BFSP1: variants seen among roughly 807,000 people sequenced by gnomAD.
BFSP1 encodes beaded filament structural protein 1, also known as filensin.
In BFSP1, 38 loss-of-function variants were observed where a neutral mutation model predicts 43.9. That is an observed-to-expected ratio of 0.87 (90% confidence interval 0.67 to 1.14). The LOEUF (loss-of-function observed/expected upper bound fraction) is 1.14. Among genes scored for constraint, BFSP1 ranks in the 50% most tolerant of loss-of-function variants. The pLI is 0.00. For missense variants in BFSP1, 850 were observed against 875.1 expected, an observed-to-expected ratio of 0.97 and a Z score of 0.36; for synonymous variants, 352 against 354.8, an observed-to-expected ratio of 0.99 and a Z score of 0.09.
At chr20:17,555,208 G>A (rs575337127) in intron 1 of BFSP1, among the ~76,000 whole-genome samples, 1 of 150,004 alleles carries the variant, frequency 6.7e-6, no homozygotes, top group East Asian at 2.0e-4. Flanking sequence ...GGCTGTGGCA[G>A]GAGGATCTCT....
Position 17,514,742 on chromosome 20 carries a change from C to A in BFSP1, c.513G>T (p.Ala171=). 2 of 1,613,984 alleles carry A rather than the reference C, an allele frequency of 1.2e-6. No homozygotes were observed. The highest frequency in any genetic ancestry group is 1.7e-6 in the Non-Finnish European group (2 of 1,179,904). ...TTACCTTCTTGTGCCTGTCCTTTGC[C>A]GCACTGATATCATCTTGCAGAAATT... is the stretch of plus-strand genomic sequence containing the variant. ...EAQFLQDDIS[A]AKDRHKKNLL... The change falls in exon 3 of 8, where the codon GCG becomes GCT. Residue 171 remains alanine (A), a synonymous_variant. Coordinates refer to ENST00000377873, the MANE Select transcript of BFSP1 (RefSeq NM_001195.5).
Position 17,531,022 on chromosome 20 carries a change from TC to T in BFSP1, c.307del (p.Glu103ArgfsTer35), listed in dbSNP as rs2123535964. The stretch of plus-strand genomic sequence containing the variant: ...GCGCTCCAGCCGGGCGCGCTCGGCC[TC>T]CAGGTCCCGGACGCGCTGGCGGTTG... ...ESNRQRVRDL[E>X]AERARLERQG... On this transcript the variant is annotated frameshift_variant, in exon 1 of 8. Coordinates refer to ENST00000377873, the MANE Select transcript of BFSP1 (RefSeq NM_001195.5). LOFTEE classifies it high-confidence loss of function. 1 of 1,428,892 alleles carries T rather than the reference TC, an allele frequency of 7.0e-7. No homozygotes were observed. The highest frequency in any genetic ancestry group is 1.4e-5 in the South Asian group (1 of 70,922). The allele number at this position is 1,428,892 out of a possible 1,614,324, so 88.5% of individuals were successfully genotyped here. A position where few individuals can be genotyped will look rare whatever the true frequency, so the allele number is the denominator to read the frequency against.
At chr20:17,550,988 G>C (rs1449259165) in intron 1 of BFSP1, among the ~76,000 whole-genome samples, 2 of 152,184 alleles carry the variant, frequency 1.3e-5, no homozygotes, top group African/African-American at 4.8e-5. Context: ...CTATGCTCCT[G>C]CTTCCCTAAC....
chr20:17,566,688 T>C (rs369608487), intron 1 of BFSP1, among the ~76,000 whole-genome samples: 2 of 152,144 alleles, frequency 1.3e-5, no homozygotes, highest in East Asian at 1.9e-4. Flanking sequence ...ACAGTCTCGC[T>C]CTGTTGCCCA....
chr20:17,543,755 A>G (rs146534192), intron 1 of BFSP1, among the ~76,000 whole-genome samples: 36 of 152,348 alleles, frequency 2.4e-4, no homozygotes, highest in African/African-American at 8.2e-4. Flanking sequence ...GCAACTTGAT[A>G]TGCTGTTGTA....
chr20:17,558,119 T>A (rs1049864189), intron 1 of BFSP1, among the ~76,000 whole-genome samples: 1 of 148,598 alleles, frequency 6.7e-6, no homozygotes, highest in Non-Finnish European at 1.5e-5. Context: ...CACACAAAGA[T>A]GGGGGGGGGT....
At chr20:17,495,065 T>C in intron 7 of BFSP1, 36 bp from the exon 8 acceptor site, 1 of 1,550,200 alleles carries the variant, frequency 6.5e-7, no homozygotes, top group Non-Finnish European at 8.8e-7. Context: ...CAAGTATAAT[T>C]GTCACTGAGA....
chr20:17,561,820 G>C (rs1029841251), upstream of BFSP1, among the ~76,000 whole-genome samples: 1 of 152,156 alleles, frequency 6.6e-6, no homozygotes, highest in Non-Finnish European at 1.5e-5. Flanking sequence ...TAATTTATTA[G>C]ATGGGCTTCA....
At chr20:17,498,717 T>C in intron 6 of BFSP1, 103 bp downstream of exon 6, 1 of 1,336,564 alleles carries the variant, frequency 7.5e-7, no homozygotes, top group Non-Finnish European at 1.0e-6. Flanking sequence ...TTTCCTTCCC[T>C]GACACATGCC....
At chr20:17,521,140 C>A (rs1245953523) in intron 2 of BFSP1, among the ~76,000 whole-genome samples, 1 of 152,050 alleles carries the variant, frequency 6.6e-6, no homozygotes, top group Non-Finnish European at 1.5e-5. Flanking sequence ...TAGAAGTTAG[C>A]AAACCCAAAT....
chr20:17,537,243 C>T lies in BFSP1; in HGVS notation c.3-12335G>A, dbSNP rs147728271. 2.0e-3 allele frequency among the ~76,000 whole-genome samples: 297 copies of T among 152,276 alleles called. 1 individual carries two copies. Among genetic ancestry groups the T allele is most frequent in the Middle Eastern group, 6.8e-3 (2 of 294 alleles). ...AAGTCAGCCATGGAAAGTGACAGCC[C>T]AGGAGTAAAAGGGCAGGCAGACCCC... On this transcript the variant is annotated intron_variant, in intron 1 of 7. Transcript: ENST00000377868.
In BFSP1 at chr20:17,494,594, C is replaced by T. The variant is rs776178192; in HGVS notation, c.1478G>A (p.Gly493Asp). ...TTCCGCAACAGAAACAGCCACCCCA[C>T]CTTTAGCTGTGATGGAGGAGACATA... ...RFYVSSITAK[G>D]GVAVSVAEDS... The change falls in exon 8 of 8, where the codon GGT (glycine) becomes GAT (aspartate). Residue 493 changes from glycine (G) to aspartate (D), a missense_variant. Coordinates refer to ENST00000377873, the MANE Select transcript of BFSP1 (RefSeq NM_001195.5). 1 of 1,614,190 alleles carries T rather than the reference C, an allele frequency of 6.2e-7. No homozygotes were observed. The highest frequency in any genetic ancestry group is 8.5e-7 in the Non-Finnish European group (1 of 1,180,042).
At chr20:17,535,603 T>C (rs1041884500), upstream of BFSP1, among the ~76,000 whole-genome samples, 1 of 152,176 alleles carries the variant, frequency 6.6e-6, no homozygotes, top group Non-Finnish European at 1.5e-5. Context: ...CTCAAATGAT[T>C]CTGAATAAAA....
chr20:17,544,550 G>C (rs1178897094), intron 1 of BFSP1, among the ~76,000 whole-genome samples: 1 of 152,136 alleles, frequency 6.6e-6, no homozygotes, highest in Admixed American at 6.5e-5. Context: ...CAAAACAAAA[G>C]AGCTGTGTCT....
At chr20:17,539,801 A>G (rs1226577868) in intron 1 of BFSP1, among the ~76,000 whole-genome samples, 6 of 152,064 alleles carry the variant, frequency 3.9e-5, no homozygotes, top group South Asian at 2.1e-4. Flanking sequence ...AGAAACATAC[A>G]TTTGGGCTGT....
At position 17,507,849 on chromosome 20, in the gene BFSP1, G is replaced by A. The variant is rs973351138; in HGVS notation, c.735+1040C>T. ...GTTCAGGGGACCACCACAGACCCGG[G>A]TTTGCTTTCCAGCAGCCCCTGAGAG... On this transcript the variant is annotated intron_variant, in intron 5 of 7. Transcript: ENST00000377873. This position sits in a 1 kb window ranked among gnomAD's most constrained non-coding sequence, Gnocchi z 4.4. Among the ~76,000 whole-genome samples the A allele has an allele frequency of 1.3e-5, 2 of 152,256 alleles. No individual in the cohort carries two copies. Among genetic ancestry groups the A allele is most frequent in the Admixed American group, 1.3e-4 (2 of 15,288 alleles).
chr20:17,536,806 T>C (rs887779484), intron 1 of BFSP1, among the ~76,000 whole-genome samples: 1 of 152,230 alleles, frequency 6.6e-6, no homozygotes, highest in Non-Finnish European at 1.5e-5. Flanking sequence ...TGCTGCCTAC[T>C]ATTGTGTGAC....
intron 2 of BFSP1, among the ~76,000 whole-genome samples, chr20:17,518,738 G>A (rs886347770): frequency 6.6e-6 from 1 of 152,194 alleles, no homozygotes; most frequent in East Asian, 1.9e-4. Context: ...CAGGAAAGAC[G>A]GAAACCAAGG....
chr20:17,563,184 AG>A (rs772572774), upstream of BFSP1: 6 of 152,266 alleles, frequency 3.9e-5, no homozygotes, highest in Non-Finnish European at 8.8e-5. Flanking sequence ...TCCTTAGTAA[AG>A]GAACAATAGT....
Sources: gnomAD v4.1 joint callset for allele counts (sites outside exome capture counted in the v4.1 genomes callset) on GRCh38, gnomAD v4.1.1 for gene constraint, Gnocchi (gnomAD v3.1) non-coding constraint, MANE v1.5 for transcripts, NCBI Gene and HGNC (gene_info 2026-07-23, HGNC 2026-07-21) for gene names.